Variants in DNA2 observed in about 807,000 individuals in gnomAD.
DNA2 encodes DNA replication ATP-dependent helicase/nuclease DNA2.
A neutral mutation model predicts 119.1 loss-of-function variants in DNA2; 101 were observed. That is an observed-to-expected ratio of 0.85 (90% CI 0.72 to 1.00). The LOEUF (loss-of-function observed/expected upper bound fraction) is 1.00, where lower values mean the gene tolerates loss of function less well. Among genes scored for constraint, DNA2 ranks in the 50% least tolerant of loss-of-function variants. The pLI is 0.00. For synonymous variants in DNA2, 366 were observed against 424.4 expected (o/e 0.86, Z 1.69); for missense variants, 1,121 against 1,255.5 (o/e 0.89, Z 1.62).
chr10:68,454,763 G>A (rs1471953632), intron 5 of DNA2, among the ~76,000 whole-genome samples: 2 of 151,566 alleles, frequency 1.3e-5, no homozygotes, highest in Admixed American at 6.6e-5. Flanking sequence ...CCGAGATTGC[G>A]CCACTGCACT....
Position 68,414,823 on chromosome 10 carries a change from T to C in DNA2, c.*216A>G. On this transcript the variant is annotated 3_prime_UTR_variant, in exon 21 of 21. Transcript: ENST00000358410. ...AAGCTCAAAGTCAAAAGTTAATCCATCTTCAAAGCTGGTAAAAATTTATCA... is the reference window on the plus strand; with the variant it reads ...AAGCTCAAAGTCAAAAGTTAATCCACCTTCAAAGCTGGTAAAAATTTATCA... 2 of 405,368 alleles carry C rather than the reference T, an allele frequency of 4.9e-6. No homozygotes were observed. Among genetic ancestry groups the C allele is most frequent in the Non-Finnish European group, 9.1e-6 (2 of 220,554 alleles). 25.1% of individuals were successfully genotyped at this position (405,368 alleles called of 1,614,324 possible).
chr10:68,425,025 A>C, intron 14 of DNA2: 1 of 482,012 alleles, frequency 2.1e-6, no homozygotes, highest in Non-Finnish European at 4.0e-6. Context: ...ACCATGGTTT[A>C]ACTGAGATTT....
chr10:68,418,713 G>A (rs1426428476), intron 19 of DNA2, among the ~76,000 whole-genome samples: 11 of 135,594 alleles, frequency 8.1e-5, no homozygotes, highest in South Asian at 2.3e-4. Context: ...TTGCTCTGTC[G>A]CCCAGGCTGG....
At position 68,437,176 on chromosome 10, in the gene DNA2, C is replaced by T; in HGVS notation, c.1481G>A (p.Gly494Glu). Residue 494 changes from glycine (G) to glutamate (E), a missense_variant, in exon 10 of 21, where the codon GGG (glycine) becomes GAG (glutamate). By Grantham distance (98) the Gly-to-Glu change is moderately conservative (BLOSUM62 -2). Coordinates refer to ENST00000358410, the MANE Select transcript of DNA2 (RefSeq NM_001080449.3). ...ACATTGGAAATTATGTAAATATTGC[C>T]CATCACAAACTATCTTTACATGTTC... ...RMEHVKIVCD[G>E]QYLHNFQCKH... is the part of the protein sequence containing the mutation. The T allele has an allele frequency of 6.2e-7, 1 of 1,613,590 alleles. No individual in the cohort carries two copies. The highest frequency in any genetic ancestry group is 8.5e-7 in the Non-Finnish European group (1 of 1,179,698).
At chr10:68,465,132 C>A (rs2133444125) in intron 4 of DNA2, among the ~76,000 whole-genome samples, 1 of 151,568 alleles carries the variant, frequency 6.6e-6, no homozygotes, top group Non-Finnish European at 1.5e-5. Flanking sequence ...CATTCTCCTG[C>A]CTCAGCCTTC....
At position 68,414,975 on chromosome 10, in the gene DNA2, T is replaced by C; in HGVS notation, c.*64A>G. 1 of 1,026,854 alleles carries C rather than the reference T, an allele frequency of 9.7e-7. No homozygotes were observed. The highest frequency in any genetic ancestry group is 1.4e-6 in the Non-Finnish European group (1 of 697,834). 63.6% of individuals were successfully genotyped at this position (1,026,854 alleles called of 1,614,324 possible). A position where few individuals can be genotyped will look rare whatever the true frequency, so the allele number is the denominator to read the frequency against. ...TTAAATTTTGTATGGTGATAGAATTTTCTGTATGGGCACTAGCTAGAGGAG... is the reference window on the plus strand; with the variant it reads ...TTAAATTTTGTATGGTGATAGAATTCTCTGTATGGGCACTAGCTAGAGGAG... On this transcript the variant is annotated 3_prime_UTR_variant, in exon 21 of 21. Coordinates refer to ENST00000358410, the MANE Select transcript of DNA2 (RefSeq NM_001080449.3).
rs774787225 is a variant in DNA2 at position 68,465,790 on chromosome 10, T to C, written c.464A>G (p.Gln155Arg). ...ATGGAGAACCGTACCAATTAGCATT[T>C]GGCGTGTGGCTGGATCAGAGCTCTA... ...TFRSSDPATRQMLIGTVLHEV... is the reference protein window; with the variant it reads ...TFRSSDPATRRMLIGTVLHEV... The change falls in exon 4 of 21, where the codon CAA becomes CGA. Residue 155 changes from glutamine (Q) to arginine (R), a missense_variant. By Grantham distance (43) the Gln-to-Arg change is conservative. Coordinates refer to ENST00000358410, the MANE Select transcript of DNA2 (RefSeq NM_001080449.3). The C allele has an allele frequency of 1.9e-6, 3 of 1,590,420 alleles. No individual in the cohort carries two copies. Among genetic ancestry groups the C allele is most frequent in the Non-Finnish European group, 1.7e-6 (2 of 1,168,894 alleles).
chr10:68,463,873 T>TGTCAA (rs2052293122), intron 4 of DNA2, among the ~76,000 whole-genome samples: 1 of 152,180 alleles, frequency 6.6e-6, no homozygotes, highest in Admixed American at 6.5e-5. Context: ...AGCAGAGTTG[T>TGTCAA]GTCAGCCCTC....
chr10:68,421,024 C>T (rs575969246), intron 17 of DNA2, among the ~76,000 whole-genome samples: 8 of 151,988 alleles, frequency 5.3e-5, no homozygotes, highest in East Asian at 3.9e-4. Context: ...CCGCAACCTC[C>T]GCCTCCCAGG....
At chr10:68,449,001 G>A (rs1403390149) in intron 6 of DNA2, among the ~76,000 whole-genome samples, 1 of 123,444 alleles carries the variant, frequency 8.1e-6, no homozygotes, top group African/African-American at 3.7e-5. Context: ...GTTTCACCAT[G>A]TTGGCCAGGC....
chr10:68,418,659 T>C (rs2133355091), intron 19 of DNA2, among the ~76,000 whole-genome samples: 1 of 149,468 alleles, frequency 6.7e-6, no homozygotes, highest in East Asian at 2.0e-4. Context: ...GTTCTCAATG[T>C]TAAACCGCAA....
chr10:68,426,642 T>C (rs1396639998), intron 14 of DNA2, among the ~76,000 whole-genome samples: 1 of 131,104 alleles, frequency 7.6e-6, no homozygotes, highest in East Asian at 2.0e-4. Flanking sequence ...GAGACCAACC[T>C]GTCTAAGAGA....
intron 6 of DNA2, among the ~76,000 whole-genome samples, chr10:68,448,587 A>AT (rs1239190966): frequency 1.3e-5 from 2 of 152,140 alleles, no homozygotes; most frequent in African/African-American, 4.8e-5. Context: ...AAATTTCCTC[A>AT]TTTTTTTCAA....
chr10:68,420,486 GAC>G (rs2051650184), intron 17 of DNA2, among the ~76,000 whole-genome samples: 1 of 152,194 alleles, frequency 6.6e-6, no homozygotes, highest in Non-Finnish European at 1.5e-5. Context: ...GCAGTGAGCT[GAC>G]ACAGTGTCAT....
At chr10:68,438,759 C>T (rs1319917816) in intron 9 of DNA2, among the ~76,000 whole-genome samples, 2 of 152,006 alleles carry the variant, frequency 1.3e-5, no homozygotes, top group Non-Finnish European at 2.9e-5. Context: ...CTGGGCCGGG[C>T]GCCGTGGCTC....
chr10:68,464,544 G>T (rs2133442884), intron 4 of DNA2, among the ~76,000 whole-genome samples: 1 of 149,968 alleles, frequency 6.7e-6, no homozygotes, highest in Admixed American at 6.7e-5. Flanking sequence ...ACAAAAACTG[G>T]TAAGGTAGGC....
chr10:68,430,605 G>A lies in DNA2; in HGVS notation c.2039C>T (p.Ser680Phe), dbSNP rs934129700. The A allele has an allele frequency of 6.2e-7, 1 of 1,607,232 alleles. No individual in the cohort carries two copies. The highest frequency in any genetic ancestry group is 8.5e-7 in the Non-Finnish European group (1 of 1,176,680). The change falls in exon 14 of 21, where the codon TCT becomes TTT. Residue 680 changes from serine (S) to phenylalanine (F), a missense_variant. Physicochemically the swap from Ser to Phe is radical, Grantham distance 155. Transcript: ENST00000358410. ...FSVLLTSYTH[S>F]AVDNILLKLA... is the part of the protein sequence containing the mutation. ...CTTCAAAAGAATATTGTCAACAGCAGAGTGTGTATAGCTGGTCAACAAAAC... is the reference window on the plus strand; with the variant it reads ...CTTCAAAAGAATATTGTCAACAGCAAAGTGTGTATAGCTGGTCAACAAAAC...
intron 5 of DNA2, among the ~76,000 whole-genome samples, chr10:68,456,994 C>T (rs1161908542): frequency 4.6e-5 from 7 of 151,872 alleles, no homozygotes; most frequent in African/African-American, 9.7e-5. Context: ...ATTAGCCAGG[C>T]ATGGTGGCAG....
intron 5 of DNA2, among the ~76,000 whole-genome samples, chr10:68,455,532 C>A (rs972616658): frequency 6.6e-6 from 1 of 151,686 alleles, no homozygotes; most frequent in Non-Finnish European, 1.5e-5. Context: ...ATATAAAAAA[C>A]AAACTCAGCC....
Sources: gnomAD v4.1 joint callset for allele counts (sites outside exome capture counted in the v4.1 genomes callset) on GRCh38, gnomAD v4.1.1 for gene constraint, MANE v1.5 for transcripts, NCBI Gene and HGNC (gene_info 2026-07-23, HGNC 2026-07-21) for gene names.